FGF12: variants seen among roughly 807,000 people sequenced by gnomAD.
FGF12 encodes the protein fibroblast growth factor 12.
In FGF12, 14 loss-of-function variants were observed where a neutral mutation model predicts 23.6. The observed-to-expected ratio is 0.59, with a 90% CI of 0.39 to 0.93. The LOEUF (loss-of-function observed/expected upper bound fraction) is 0.93. Ranked by LOEUF, FGF12 falls within the 40% of genes least tolerant of loss-of-function variation. The pLI is 0.00. For missense variants in FGF12, 175 were observed against 217.8 expected, an observed-to-expected ratio of 0.80 and a Z score of 1.24; for synonymous variants, 62 against 77.3, an observed-to-expected ratio of 0.80 and a Z score of 1.04.
intron 2 of FGF12, among the ~76,000 whole-genome samples, chr3:192,530,263 G>C (rs77630287): frequency 0.075 from 11,438 of 152,128 alleles, 551 homozygotes; most frequent in Admixed American, 0.18. Flanking sequence ...TTTACTGGAT[G>C]AGACGACTGC....
intron 3 of FGF12, among the ~76,000 whole-genome samples, chr3:192,353,386 T>TC (rs1718314004): frequency 6.7e-6 from 1 of 148,350 alleles, no homozygotes; most frequent in Admixed American, 6.7e-5. Flanking sequence ...TTTTTTTTTT[T>TC]TGAGATGGAG....
At chr3:192,250,050 G>A (rs373902817) in intron 4 of FGF12, among the ~76,000 whole-genome samples, 83 of 152,220 alleles carry the variant, frequency 5.5e-4, no homozygotes, top group African/African-American at 1.7e-3. Context: ...CCTTATTATC[G>A]ATTCATTTAT....
chr3:192,631,118 T>G (rs1172204072), intron 2 of FGF12, among the ~76,000 whole-genome samples: 1 of 152,164 alleles, frequency 6.6e-6, no homozygotes, highest in Non-Finnish European at 1.5e-5. Context: ...CCATTGCCAC[T>G]TTTTTTGCCT....
rs576997350 is a variant in FGF12 at position 192,708,757 on chromosome 3, T to C, written c.13+18424A>G. Among the ~76,000 whole-genome samples, 15 of 152,254 alleles carry C rather than the reference T, an allele frequency of 9.9e-5. No individual in the cohort carries two copies. The East Asian group carries it at 2.5e-3, about 25-fold the overall frequency. On this transcript the variant is annotated intron_variant, in intron 2 of 5. Coordinates refer to ENST00000445105, the MANE Select transcript of FGF12 (RefSeq NM_004113.6). ...AGAAGGACTTCTTACCAGAAGAGGA[T>C]CAAGCAAAAGCTTTATTGAGAAAAT...
chr3:192,277,989 C>T (rs1713906943), intron 4 of FGF12, among the ~76,000 whole-genome samples: 1 of 152,164 alleles, frequency 6.6e-6, no homozygotes, highest in Non-Finnish European at 1.5e-5. Context: ...TCCTGAACTC[C>T]TGACCTCGTG....
At chr3:192,489,280 A>G (rs1323453855) in intron 2 of FGF12, among the ~76,000 whole-genome samples, 1 of 152,080 alleles carries the variant, frequency 6.6e-6, no homozygotes, top group East Asian at 1.9e-4. Context: ...CAAATGGAAT[A>G]CTTAATTTTC....
At chr3:192,420,925 A>G (rs551061970) in intron 2 of FGF12, among the ~76,000 whole-genome samples, 53 of 152,312 alleles carry the variant, frequency 3.5e-4, no homozygotes, top group African/African-American at 1.2e-3. Flanking sequence ...CACAATTTGG[A>G]AAAACTCAAA....
chr3:192,440,726 T>C (rs965869054), intron 2 of FGF12, among the ~76,000 whole-genome samples: 5 of 152,214 alleles, frequency 3.3e-5, no homozygotes, highest in Non-Finnish European at 7.3e-5. Flanking sequence ...TTCTAAGACA[T>C]ATTAATCACT....
At chr3:192,458,509 C>A (rs996237085) in intron 2 of FGF12, among the ~76,000 whole-genome samples, 11 of 152,184 alleles carry the variant, frequency 7.2e-5, no homozygotes, top group African/African-American at 2.7e-4. Flanking sequence ...ATTTGCCTGC[C>A]TCACAGGTTT....
chr3:192,261,596 G>A (rs1240136274), intron 4 of FGF12, among the ~76,000 whole-genome samples: 1 of 152,186 alleles, frequency 6.6e-6, no homozygotes, highest in Non-Finnish European at 1.5e-5. Flanking sequence ...TCCGCCAGAG[G>A]TTATGTCCAG....
chr3:192,424,162 C>T lies in FGF12; in HGVS notation c.14-63624G>A, dbSNP rs572624284. Among the ~76,000 whole-genome samples, 3 of 152,114 alleles carry T rather than the reference C, an allele frequency of 2.0e-5. No homozygotes were observed. The South Asian group carries it at 6.2e-4, about 32-fold the overall frequency. The stretch of plus-strand genomic sequence containing the variant: ...ATAAGCTAAGCATTTCTTCACTGGC[C>T]ACTTCCCCAGATCCTGTTCATCTGA... On this transcript the variant is annotated intron_variant, in intron 2 of 5. Transcript: ENST00000445105.
intron 2 of FGF12, among the ~76,000 whole-genome samples, chr3:192,385,013 T>C (rs1719982048): frequency 6.6e-6 from 1 of 152,154 alleles, no homozygotes. Context: ...GATATACAGA[T>C]ATATAGATAG....
At chr3:192,297,929 G>T (rs1715133991) in intron 4 of FGF12, among the ~76,000 whole-genome samples, 1 of 152,068 alleles carries the variant, frequency 6.6e-6, no homozygotes, top group African/African-American at 2.4e-5. Context: ...AAGAGCCACA[G>T]GTTTTTCCAT....
chr3:192,278,714 T>G (rs1713954480), intron 4 of FGF12, among the ~76,000 whole-genome samples: 1 of 152,164 alleles, frequency 6.6e-6, no homozygotes, highest in South Asian at 2.1e-4. Flanking sequence ...AAAAGTGGTT[T>G]GAAGGTGAGA....
At chr3:192,443,014 G>C (rs975862276) in intron 2 of FGF12, among the ~76,000 whole-genome samples, 14 of 152,078 alleles carry the variant, frequency 9.2e-5, no homozygotes, top group South Asian at 2.1e-4. Context: ...TCACCATCTT[G>C]GCCAGGCTGG....
intron 2 of FGF12, among the ~76,000 whole-genome samples, chr3:192,365,465 A>G (rs1718936971): frequency 6.6e-6 from 1 of 152,126 alleles, no homozygotes; most frequent in Admixed American, 6.6e-5. Flanking sequence ...GTAATGATAT[A>G]GATTCTTCAT....
intron 2 of FGF12, among the ~76,000 whole-genome samples, chr3:192,632,734 A>T (rs62293048): frequency 0.33 from 50,107 of 152,118 alleles, 9,299 homozygotes; most frequent in African/African-American, 0.51. Flanking sequence ...TGAAGTAAAT[A>T]AAGGTTTGAA....
At position 192,471,531 on chromosome 3, in the gene FGF12, G is replaced by A. The variant is rs150021075; in HGVS notation, c.14-110993C>T. 3.2e-4 allele frequency among the ~76,000 whole-genome samples: 49 copies of A among 152,202 alleles called. No individual in the cohort carries two copies. The East Asian group carries it at 7.7e-3, about 24-fold the overall frequency. Reference sequence around the variant, plus strand: ...GAAAAGGGAAAAATTGTATACCATGGTTCATATTTTATTTCACTGATTTAA... The same window carrying A: ...GAAAAGGGAAAAATTGTATACCATGATTCATATTTTATTTCACTGATTTAA... On this transcript the variant is annotated intron_variant, in intron 2 of 5. Transcript: ENST00000445105.
chr3:192,147,679 A>G (rs1337882262), intron 5 of FGF12, among the ~76,000 whole-genome samples: 1 of 152,210 alleles, frequency 6.6e-6, no homozygotes, highest in Non-Finnish European at 1.5e-5. Flanking sequence ...TATAAAAGAA[A>G]TTAAGCCACT....
Sources: allele counts gnomAD v4.1 joint callset (sites outside exome capture counted in the v4.1 genomes callset), GRCh38; gene constraint gnomAD v4.1.1; transcripts MANE v1.5; gene names NCBI Gene and HGNC (gene_info 2026-07-23, HGNC 2026-07-21).